PCMT1: variants seen among roughly 807,000 people sequenced by gnomAD.
PCMT1 encodes protein-L-isoaspartate (D-aspartate) O-methyltransferase.
In PCMT1, 9 loss-of-function variants were observed where a neutral mutation model predicts 29.2. The ratio of observed to expected loss-of-function variants is 0.31; its 90% CI spans 0.19 to 0.54. PCMT1 has a LOEUF of 0.54. Among genes scored for constraint, PCMT1 ranks in the 20% least tolerant of loss-of-function variants. The pLI is 0.95. For synonymous variants in PCMT1, 98 were observed against 97.5 expected (o/e 1.00, Z -0.03); for missense variants, 184 against 282.2 (o/e 0.65, Z 2.49).
chr6:149,810,295 A>G (rs540517532), intron 7 of PCMT1, among the ~76,000 whole-genome samples: 11 of 152,204 alleles, frequency 7.2e-5, no homozygotes, highest in Non-Finnish European at 1.3e-4. Flanking sequence ...TCATTTTACT[A>G]TAGTGTAAAG....
chr6:149,786,239 GGGACA>G lies in PCMT1; in HGVS notation c.193-3712_193-3708del, dbSNP rs1788058859. Among the ~76,000 whole-genome samples, 2 of 113,370 alleles carry G rather than the reference GGGACA, an allele frequency of 1.8e-5. 1 individual carries two copies. The highest frequency in any genetic ancestry group is 1.8e-4 in the Admixed American group (2 of 11,416). The allele number at this position is 113,370 out of a possible 152,430, so 74.4% of individuals were successfully genotyped here. A position where few individuals can be genotyped will look rare whatever the true frequency, so the allele number is the denominator to read the frequency against. On this transcript the variant is annotated intron_variant, in intron 3 of 7. Coordinates refer to ENST00000464889, the MANE Select transcript of PCMT1 (RefSeq NM_001360452.2). ...TGACCCCCCCACCTCCCTCCCAGAC[GGGACA>G]GGGCGGCTGGCCGGGCGGGGGTGCT...
intron 1 of PCMT1, among the ~76,000 whole-genome samples, chr6:149,758,746 A>T (rs1374044310): frequency 1.3e-5 from 2 of 152,178 alleles, no homozygotes; most frequent in African/African-American, 4.8e-5. Flanking sequence ...ATAGTGAAAG[A>T]TCCATTTTAT....
At chr6:149,805,741 T>G (rs1200411784) in intron 7 of PCMT1, among the ~76,000 whole-genome samples, 8 of 151,212 alleles carry the variant, frequency 5.3e-5, no homozygotes, top group Admixed American at 2.6e-4. Context: ...ATCGAGACCA[T>G]CCTGGCCAAC....
chr6:149,772,907 C>T (rs529057717), intron 2 of PCMT1, among the ~76,000 whole-genome samples: 1 of 151,310 alleles, frequency 6.6e-6, no homozygotes, highest in Non-Finnish European at 1.5e-5. Flanking sequence ...GTCCCAGCTA[C>T]TCGGGAGGCT....
At chr6:149,788,238 G>A (rs1440443216) in intron 3 of PCMT1, among the ~76,000 whole-genome samples, 1 of 152,132 alleles carries the variant, frequency 6.6e-6, no homozygotes. Flanking sequence ...TAAAAATAAG[G>A]ACATTCTCTT....
chr6:149,762,181 A>G (rs561015455), intron 1 of PCMT1, among the ~76,000 whole-genome samples: 15 of 152,004 alleles, frequency 9.9e-5, no homozygotes, highest in African/African-American at 3.6e-4. Context: ...TTTTCTTACC[A>G]TGACCCTAAT....
chr6:149,805,708 C>T (rs528970114), intron 7 of PCMT1, among the ~76,000 whole-genome samples: 197 of 151,940 alleles, frequency 1.3e-3, no homozygotes, highest in Non-Finnish European at 2.3e-3. Flanking sequence ...GAGGCTGAGG[C>T]GGGCGGATCA....
intron 1 of PCMT1, among the ~76,000 whole-genome samples, chr6:149,770,570 G>A (rs929727352): frequency 6.6e-6 from 1 of 151,990 alleles, no homozygotes; most frequent in African/African-American, 2.4e-5. Context: ...GCTGGGCGTG[G>A]TGGCATGCAC....
intron 1 of PCMT1, among the ~76,000 whole-genome samples, chr6:149,753,238 T>A (rs180955465): frequency 6.6e-6 from 1 of 152,304 alleles, no homozygotes; most frequent in East Asian, 1.9e-4. Context: ...TAAAGGCTTT[T>A]AATTGAAATC....
intron 3 of PCMT1, among the ~76,000 whole-genome samples, chr6:149,785,904 T>C (rs1382089532): frequency 6.6e-6 from 1 of 152,082 alleles, no homozygotes; most frequent in African/African-American, 2.4e-5. Flanking sequence ...TCCTGGCCCG[T>C]TCTCAATGAG....
chr6:149,798,294 G>C (rs546272399), intron 6 of PCMT1: 105 of 152,118 alleles, frequency 6.9e-4, no homozygotes, highest in African/African-American at 2.5e-3. Flanking sequence ...ATGACCAATG[G>C]GTTTTTAACT....
At chr6:149,758,847 C>T (rs1365535565) in intron 1 of PCMT1, among the ~76,000 whole-genome samples, 1 of 152,150 alleles carries the variant, frequency 6.6e-6, no homozygotes, top group African/African-American at 2.4e-5. Flanking sequence ...CTTGCCATCA[C>T]ATAAAATTCT....
chr6:149,803,041 A>T (rs1417802265), intron 7 of PCMT1, among the ~76,000 whole-genome samples: 4 of 117,546 alleles, frequency 3.4e-5, no homozygotes, highest in African/African-American at 1.3e-4. Flanking sequence ...AGACAGAGCA[A>T]GGCTCTGTCT....
At chr6:149,786,166 AC>A (rs1393022428) in intron 3 of PCMT1, among the ~76,000 whole-genome samples, 1 of 52,222 alleles carries the variant, frequency 1.9e-5, no homozygotes, top group Non-Finnish European at 3.0e-5. Context: ...CGGGGGGCTG[AC>A]CCCCCAACCT....
chr6:149,768,331 A>G (rs562878640), intron 1 of PCMT1, among the ~76,000 whole-genome samples: 14 of 152,110 alleles, frequency 9.2e-5, no homozygotes, highest in African/African-American at 3.1e-4. Flanking sequence ...GGCTTAAGCA[A>G]TCCTTTTGCC....
chr6:149,778,446 C>T (rs1310971764), intron 3 of PCMT1, among the ~76,000 whole-genome samples: 1 of 151,932 alleles, frequency 6.6e-6, no homozygotes, highest in African/African-American at 2.4e-5. Flanking sequence ...CCAGGCTGGT[C>T]TCAAACTCCT....
intron 7 of PCMT1, among the ~76,000 whole-genome samples, chr6:149,804,406 GTTT>G (rs979053040): frequency 1.3e-5 from 2 of 152,076 alleles, no homozygotes; most frequent in African/African-American, 4.8e-5. Flanking sequence ...AGGGAATTTT[GTTT>G]TTATGACTAG....
chr6:149,805,797 T>C (rs1054743964), intron 7 of PCMT1, among the ~76,000 whole-genome samples: 37 of 147,728 alleles, frequency 2.5e-4, no homozygotes, highest in Admixed American at 2.1e-3. Flanking sequence ...AAAAATTAGC[T>C]GGGCGTGGTG....
At chr6:149,796,287 T>C in intron 5 of PCMT1, 128 bp from the exon 6 acceptor site, 2 of 524,188 alleles carry the variant, frequency 3.8e-6, no homozygotes, top group Non-Finnish European at 6.9e-6. Context: ...AAAAAGTGAA[T>C]ATCCAGTTGT....
Sources: allele counts gnomAD v4.1 joint callset (sites outside exome capture counted in the v4.1 genomes callset), GRCh38; gene constraint gnomAD v4.1.1; transcripts MANE v1.5; gene names NCBI Gene and HGNC (gene_info 2026-07-23, HGNC 2026-07-21).